Variants in CDC45 observed in about 807,000 individuals in gnomAD.
The protein encoded by CDC45 is cell division control protein 45 homolog.
Under a neutral mutation model 77.8 loss-of-function variants are expected in CDC45, and 54 were observed. The ratio of observed to expected loss-of-function variants is 0.69; its 90% CI spans 0.56 to 0.87. The LOEUF (loss-of-function observed/expected upper bound fraction) is 0.87, where lower values mean the gene tolerates loss of function less well. Among genes scored for constraint, CDC45 ranks in the 40% least tolerant of loss-of-function variants. The probability of loss-of-function intolerance (pLI) is 0.00; values close to 1 mark genes in which losing one functional copy is unlikely to be tolerated. For synonymous variants in CDC45, 260 were observed against 272.1 expected (o/e 0.96, Z 0.44); for missense variants, 649 against 721.6 (o/e 0.90, Z 1.15).
At chr22:19,497,249 C>T in intron 7 of CDC45, 137 bp from the exon 8 acceptor site, 1 of 729,784 alleles carries the variant, frequency 1.4e-6, no homozygotes, top group Non-Finnish European at 2.4e-6. Flanking sequence ...GGAATCCACC[C>T]ACATGCCCTG....
intron 13 of CDC45, 86 bp downstream of exon 13, chr22:19,508,777 C>A: frequency 3.0e-6 from 4 of 1,314,570 alleles, no homozygotes; most frequent in South Asian, 1.3e-5. Context: ...GACCCCAGGG[C>A]TGTGGGAGTG....
intron 5 of CDC45, among the ~76,000 whole-genome samples, chr22:19,493,237 TTG>T (rs1568919524): frequency 2.1e-3 from 38 of 17,766 alleles, no homozygotes; most frequent in African/African-American, 3.5e-3. Context: ...GTTTTTTTTT[TTG>T]TTGTTTTGTT....
chr22:19,507,323 GGAGTTACGA>G (rs1485125772), intron 10 of CDC45, 54 bp from the exon 11 acceptor site: 1 of 1,584,012 alleles, frequency 6.3e-7, no homozygotes, highest in Non-Finnish European at 8.6e-7. Flanking sequence ...CCCACCTGCT[GGAGTTACGA>G]GAGTGCTCAG....
At position 19,479,946 on chromosome 22, in the gene CDC45, C is replaced by A. The variant is rs377264229; in HGVS notation, c.-23C>A. On this transcript the variant is annotated 5_prime_UTR_variant, in exon 1 of 19. Coordinates refer to ENST00000263201, the MANE Select transcript of CDC45 (RefSeq NM_003504.5). ...GGCTCTTGGTACCTCAGCGCGAGCG[C>A]CAGGCGTCCGGCCGCCGTGGCTATG... 2.5e-6 allele frequency: 4 copies of A among 1,612,302 alleles called. No homozygotes were observed. The highest frequency in any genetic ancestry group is 3.4e-6 in the Non-Finnish European group (4 of 1,179,968).
intron 4 of CDC45, among the ~76,000 whole-genome samples, 167 bp from the exon 5 acceptor site, chr22:19,483,695 C>T (rs5992406): frequency 9.2e-4 from 140 of 152,248 alleles, no homozygotes; most frequent in African/African-American, 3.2e-3. Context: ...GTAATGAAAA[C>T]AAGAAAATTC....
Position 19,507,398 on chromosome 22 carries a change from G to A in CDC45, c.837G>A (p.Val279=), listed in dbSNP as rs1211865053. 6.2e-7 allele frequency: 1 copy of A among 1,614,038 alleles called. No individual in the cohort carries two copies. The highest frequency in any genetic ancestry group is 8.5e-7 in the Non-Finnish European group (1 of 1,180,024). ...RISFEYDLRL[V]LYQHWSLHDS... The stretch of plus-strand genomic sequence containing the variant: ...ACTGCAGGCCCAGCCTCCGCCTGGT[G>A]CTCTACCAGCACTGGTCCCTCCATG... The change falls in exon 11 of 19, where the codon GTG becomes GTA. Residue 279 remains valine, a synonymous_variant. Transcript: ENST00000263201.
At chr22:19,506,335 T>C (rs555552605) in intron 10 of CDC45, among the ~76,000 whole-genome samples, 1 of 152,054 alleles carries the variant, frequency 6.6e-6, no homozygotes, top group Non-Finnish European at 1.5e-5. Context: ...TCCCATCATG[T>C]GCGTGGCAGG....
intron 10 of CDC45, 88 bp downstream of exon 10, chr22:19,505,569 C>A: frequency 6.8e-7 from 1 of 1,475,048 alleles, no homozygotes; most frequent in Non-Finnish European, 9.4e-7. Flanking sequence ...GGGTTCTGGC[C>A]ACATCCCCAG....
Position 19,508,609 on chromosome 22 carries a change from G to A in CDC45, c.1135G>A (p.Ala379Thr). 1 of 1,614,174 alleles carries A rather than the reference G, an allele frequency of 6.2e-7. No homozygotes were observed. The change falls in exon 13 of 19, where the codon GCC becomes ACC. Residue 379 changes from alanine (A) to threonine (T), a missense_variant. Coordinates refer to ENST00000263201, the MANE Select transcript of CDC45 (RefSeq NM_003504.5). The part of the protein sequence containing the change: ...HKFLASDVVF[A>T]TMSLMESPEK... ...GTTTCTGGCCAGCGACGTGGTCTTT[G>A]CCACCATGTCTTTGATGGAGAGCCC...
intron 10 of CDC45, among the ~76,000 whole-genome samples, chr22:19,507,183 A>G (rs996276665): frequency 4.6e-5 from 7 of 152,228 alleles, no homozygotes; most frequent in African/African-American, 1.2e-4. Flanking sequence ...ATGGTGGTCT[A>G]TGCCTGTCAC....
At chr22:19,489,407 T>G (rs1041441915) in intron 5 of CDC45, among the ~76,000 whole-genome samples, 2 of 152,112 alleles carry the variant, frequency 1.3e-5, no homozygotes, top group Non-Finnish European at 2.9e-5. Flanking sequence ...CACACCCACT[T>G]GTCTGCTGCC....
chr22:19,514,608 C>CA, intron 13 of CDC45, 141 bp from the exon 14 acceptor site: 1 of 665,138 alleles, frequency 1.5e-6, no homozygotes, highest in African/African-American at 1.8e-5. Flanking sequence ...ATGTGAAAGA[C>CA]AACTCAGGAG....
rs13447203 is a variant in CDC45, at chr22:19,482,726, G to A, written c.241G>A (p.Val81Ile). ...TATTCTCATAAACTGTGGAGCTAATGTAGACCTATTGGATATTCTTCAACC... is the reference window on the plus strand; with the variant it reads ...TATTCTCATAAACTGTGGAGCTAATATAGACCTATTGGATATTCTTCAACC... ...YFILINCGAN[V>I]DLLDILQPDE... Residue 81 changes from valine to isoleucine, a missense_variant, in exon 4 of 19, where the codon GTA becomes ATA. Physicochemically the swap from Val to Ile is conservative, Grantham distance 29 (BLOSUM62 3). Coordinates refer to ENST00000263201, the MANE Select transcript of CDC45 (RefSeq NM_003504.5). The A allele has an allele frequency of 0.011, 18,195 of 1,612,744 alleles. 174 individuals carry two copies. Among genetic ancestry groups the A allele is most frequent in the Middle Eastern group, 0.033 (198 of 6,062 alleles).
chr22:19,487,931 A>AT (rs2090097583), intron 5 of CDC45, among the ~76,000 whole-genome samples: 1 of 151,594 alleles, frequency 6.6e-6, no homozygotes, highest in Non-Finnish European at 1.5e-5. Flanking sequence ...AAAAAAAAAA[A>AT]AGAGTTCTGC....
intron 8 of CDC45, among the ~76,000 whole-genome samples, chr22:19,497,828 C>T (rs959765669): frequency 1.3e-5 from 2 of 151,842 alleles, no homozygotes; most frequent in African/African-American, 4.8e-5. Context: ...TTTGGGAGGC[C>T]GAGACAGGAG....
chr22:19,513,148 A>T (rs747030613), intron 13 of CDC45, among the ~76,000 whole-genome samples: 1 of 152,196 alleles, frequency 6.6e-6, no homozygotes. Context: ...AAGATCTTGG[A>T]TCAGATTTCA....
chr22:19,519,279 C>T lies in CDC45; in HGVS notation c.*1+370C>T, dbSNP rs563878446. Among the ~76,000 whole-genome samples the T allele has an allele frequency of 5.3e-5, 8 of 152,324 alleles. No individual in the cohort carries two copies. In the East Asian group the frequency reaches 1.2e-3, roughly 22 times the overall value. Reference sequence around the variant, plus strand: ...CCTGTCCCACAGCCTTCGTGTCAGGCGCTGGGCAAGAGCCCGCAGAGCAGC... The same window carrying T: ...CCTGTCCCACAGCCTTCGTGTCAGGTGCTGGGCAAGAGCCCGCAGAGCAGC... On this transcript the variant is annotated intron_variant, in intron 18 of 18. Transcript: ENST00000263201.
chr22:19,498,428 CG>C (rs2090282766), intron 8 of CDC45, among the ~76,000 whole-genome samples: 1 of 152,240 alleles, frequency 6.6e-6, no homozygotes, highest in African/African-American at 2.4e-5. Flanking sequence ...GTCCGCTGTG[CG>C]GGCTGCACCT....
Position 19,483,761 on chromosome 22 carries a change from G to A in CDC45, c.343-101G>A, listed in dbSNP as rs1044302591. ...TAGCTATTTGTATGAACAGGAAACT[G>A]AGTCAGCTTATTAGGAAATGATAAG... On this transcript the variant is annotated intron_variant, in intron 4 of 18. Transcript: ENST00000263201. 6 of 1,148,030 alleles carry A rather than the reference G, an allele frequency of 5.2e-6. No individual in the cohort carries two copies. In the Admixed American group the frequency reaches 1.4e-4, roughly 27 times the overall value. 71.1% of individuals were successfully genotyped at this position (1,148,030 alleles called of 1,614,324 possible). A position where few individuals can be genotyped will look rare whatever the true frequency, so the allele number is the denominator to read the frequency against.
Sources: gnomAD v4.1 joint callset for allele counts (sites outside exome capture counted in the v4.1 genomes callset) on GRCh38, gnomAD v4.1.1 for gene constraint, MANE v1.5 for transcripts, NCBI Gene and HGNC (gene_info 2026-07-23, HGNC 2026-07-21) for gene names.